FREM3: variants seen among roughly 807,000 people sequenced by gnomAD.
FREM3 encodes the protein FRAS1-related extracellular matrix protein 3.
FREM3 carries 105 observed loss-of-function variants against 129.1 expected under a neutral mutation model. The ratio of observed to expected loss-of-function variants is 0.81; its 90% CI spans 0.69 to 0.96. The LOEUF is 0.96. Among genes scored for constraint, FREM3 ranks in the 40% least tolerant of loss-of-function variants. The pLI, the probability that FREM3 is intolerant of heterozygous loss-of-function variation, is 0.00. For missense variants in FREM3, 2,593 were observed against 2,666.3 expected (o/e 0.97, Z 0.61); for synonymous variants, 1,014 against 1,044.9 (o/e 0.97, Z 0.57).
intron 6 of FREM3, among the ~76,000 whole-genome samples, chr4:143,594,955 T>C (rs1240381182): frequency 1.3e-5 from 2 of 152,256 alleles, no homozygotes; most frequent in East Asian, 3.8e-4. Flanking sequence ...ATCACATTTA[T>C]GTTAAATGGA....
intron 2 of FREM3, among the ~76,000 whole-genome samples, chr4:143,692,416 A>G (rs1740489278): frequency 6.6e-6 from 1 of 152,142 alleles, no homozygotes; most frequent in African/African-American, 2.4e-5. Context: ...ATTTGTATTG[A>G]AAGAGGTTAC....
chr4:143,651,459 C>T (rs1185583066), intron 2 of FREM3, among the ~76,000 whole-genome samples: 4 of 152,228 alleles, frequency 2.6e-5, no homozygotes, highest in African/African-American at 9.6e-5. Flanking sequence ...CAGAGTTTCA[C>T]TGGCAAGCAC....
rs1305595951 is a variant in FREM3 at position 143,700,442 on chromosome 4, C to G, written c.234G>C (p.Trp78Cys). Reference sequence around the variant, plus strand: ...TCACCAGATCCCGGAGCGGGTCGAGCCAAAGGGAACGACCCAGGGGCACCC... The same window carrying G: ...TCACCAGATCCCGGAGCGGGTCGAGGCAAAGGGAACGACCCAGGGGCACCC... ...GLRVPLGRSL[W>C]LDPLRDLVIG... Residue 78 changes from tryptophan to cysteine, a missense_variant, in exon 1 of 8, where the codon TGG becomes TGC. Physicochemically the swap from Trp to Cys is radical, Grantham distance 215. Transcript: ENST00000329798. 3.2e-5 allele frequency: 49 copies of G among 1,526,316 alleles called. No homozygotes were observed. Among genetic ancestry groups the G allele is most frequent in the Non-Finnish European group, 4.3e-5 (49 of 1,141,088 alleles). The allele number at this position is 1,526,316 out of a possible 1,614,324, so 94.5% of individuals were successfully genotyped here. A position where few individuals can be genotyped will look rare whatever the true frequency, so the allele number is the denominator to read the frequency against.
chr4:143,687,077 T>A (rs2149861046), intron 2 of FREM3, among the ~76,000 whole-genome samples: 1 of 151,912 alleles, frequency 6.6e-6, no homozygotes, highest in East Asian at 1.9e-4. Context: ...TTTGAAAAGA[T>A]AAATAAAATT....
chr4:143,686,410 C>G (rs1740364132), intron 2 of FREM3, among the ~76,000 whole-genome samples: 1 of 152,096 alleles, frequency 6.6e-6, no homozygotes, highest in Non-Finnish European at 1.5e-5. Context: ...TGGCAACAGA[C>G]AGGTAATGAA....
chr4:143,589,593 G>A (rs1738316769), intron 6 of FREM3, among the ~76,000 whole-genome samples: 1 of 152,068 alleles, frequency 6.6e-6, no homozygotes, highest in Non-Finnish European at 1.5e-5. Context: ...CTGTTCCATT[G>A]GTCTATATCT....
chr4:143,644,177 ATG>A (rs10578943), intron 2 of FREM3, among the ~76,000 whole-genome samples: 72,519 of 149,050 alleles, frequency 0.49, 18,064 homozygotes, highest in East Asian at 0.69. Flanking sequence ...TGCTCTGCAT[ATG>A]TGTGTGTGTG....
intron 2 of FREM3, among the ~76,000 whole-genome samples, chr4:143,668,367 T>C (rs1739902130): frequency 6.6e-6 from 1 of 152,222 alleles, no homozygotes; most frequent in Non-Finnish European, 1.5e-5. Flanking sequence ...TTCCTCTGCT[T>C]TTGCCACACT....
At position 143,700,240 on chromosome 4, in the gene FREM3, CG is replaced by C. The variant is rs1403270849; in HGVS notation, c.435del (p.Tyr145Ter). 1 of 1,536,678 alleles carries C rather than the reference CG, an allele frequency of 6.5e-7. No homozygotes were observed. Among genetic ancestry groups the C allele is most frequent in the Non-Finnish European group, 8.7e-7 (1 of 1,146,872 alleles). ...GRARVLLQLR[Y>X]DAPTHTLVLP... ...AGCACCAGAGTGTGAGTCGGGGCGT[CG>C]TAGCGCAGCTGCAGCAGCACCCGGG... On this transcript the variant is annotated frameshift_variant, in exon 1 of 8. Coordinates refer to ENST00000329798, the MANE Select transcript of FREM3 (RefSeq NM_001168235.2). LOFTEE classifies it high-confidence loss of function.
chr4:143,686,019 G>T (rs1262004929), intron 2 of FREM3, among the ~76,000 whole-genome samples: 1 of 151,970 alleles, frequency 6.6e-6, no homozygotes, highest in African/African-American at 2.4e-5. Flanking sequence ...ATATATATAT[G>T]ATACAGAACC....
At chr4:143,635,883 T>A (rs1005039167) in intron 2 of FREM3, among the ~76,000 whole-genome samples, 2 of 152,116 alleles carry the variant, frequency 1.3e-5, no homozygotes, top group Non-Finnish European at 2.9e-5. Flanking sequence ...TGATTTACCA[T>A]CACACTTTTT....
intron 2 of FREM3, among the ~76,000 whole-genome samples, chr4:143,680,439 T>C (rs1457449419): frequency 6.6e-6 from 1 of 152,072 alleles, no homozygotes; most frequent in Non-Finnish European, 1.5e-5. Context: ...CATAGACTTG[T>C]TTTACAGACT....
At chr4:143,667,989 C>G (rs1578860572) in intron 2 of FREM3, among the ~76,000 whole-genome samples, 1 of 152,234 alleles carries the variant, frequency 6.6e-6, no homozygotes, top group Non-Finnish European at 1.5e-5. Flanking sequence ...TGACTATAGT[C>G]AGATATAATA....
intron 2 of FREM3, among the ~76,000 whole-genome samples, chr4:143,648,074 A>G (rs1446116086): frequency 6.6e-6 from 1 of 152,210 alleles, no homozygotes; most frequent in Non-Finnish European, 1.5e-5. Flanking sequence ...CATGACCTGG[A>G]TGTGAGACAT....
chr4:143,655,528 A>G (rs1739585105), intron 2 of FREM3, among the ~76,000 whole-genome samples: 1 of 152,200 alleles, frequency 6.6e-6, no homozygotes, highest in Admixed American at 6.5e-5. Context: ...TGAAGTTAAC[A>G]TTGGAGATGA....
chr4:143,613,997 T>C (rs911027698), intron 5 of FREM3, among the ~76,000 whole-genome samples: 2 of 152,222 alleles, frequency 1.3e-5, no homozygotes, highest in Non-Finnish European at 2.9e-5. Flanking sequence ...AATTTTTTTT[T>C]ATATTTGACC....
intron 2 of FREM3, among the ~76,000 whole-genome samples, chr4:143,635,050 G>T (rs1381468862): frequency 6.6e-6 from 1 of 152,064 alleles, no homozygotes; most frequent in Non-Finnish European, 1.5e-5. Flanking sequence ...TAAGAGTGCA[G>T]ATTCTGGACT....
At chr4:143,695,213 A>G (rs7676614) in intron 1 of FREM3, among the ~76,000 whole-genome samples, 37,511 of 152,180 alleles carry the variant, frequency 0.25, 5,693 homozygotes, top group Middle Eastern at 0.34. Flanking sequence ...CTAATATTTC[A>G]GAAGCAGAAG....
At chr4:143,605,782 C>T (rs1189323040) in intron 6 of FREM3, among the ~76,000 whole-genome samples, 1 of 152,178 alleles carries the variant, frequency 6.6e-6, no homozygotes, top group East Asian at 1.9e-4. Context: ...AAAAAATTTA[C>T]TACTTTATAA....
Sources: gnomAD v4.1 joint callset for allele counts (sites outside exome capture counted in the v4.1 genomes callset) on GRCh38, gnomAD v4.1.1 for gene constraint, MANE v1.5 for transcripts, NCBI Gene and HGNC (gene_info 2026-07-23, HGNC 2026-07-21) for gene names.